Variants in CASD1 observed in about 807,000 individuals in gnomAD.
CASD1 encodes the protein N-acetylneuraminate (7)9-O-acetyltransferase.
Under a neutral mutation model 100.0 loss-of-function variants are expected in CASD1, and 41 were observed. That is an observed-to-expected ratio of 0.41 (90% CI 0.32 to 0.53). The LOEUF is 0.53. Ranked by LOEUF, CASD1 falls within the 20% of genes least tolerant of loss-of-function variation. The pLI is 0.25. For missense variants in CASD1, 774 were observed against 948.7 expected, an observed-to-expected ratio of 0.82 and a Z score of 2.42; for synonymous variants, 321 against 315.6, an observed-to-expected ratio of 1.02 and a Z score of -0.18.
At chr7:94,569,651 C>A in the CASD1 span, among the ~76,000 whole-genome samples, 1 of 151,820 alleles carries the variant, frequency 6.6e-6, no homozygotes, top group Admixed American at 6.6e-5. Flanking sequence ...TCTATGTTGT[C>A]CAGACTGGTC....
At chr7:94,576,151 C>G in the CASD1 span, among the ~76,000 whole-genome samples, 146 of 152,292 alleles carry the variant, frequency 9.6e-4, no homozygotes, top group Middle Eastern at 3.4e-3. Context: ...ACAGGTCTCT[C>G]AAGCTCCATT....
rs56786123 is a variant in CASD1, at chr7:94,541,537, G to GTTTTTTTTTTTTT, written c.1356+2499_1356+2511dup. Among the ~76,000 whole-genome samples the GTTTTTTTTTTTTT allele has an allele frequency of 5.0e-5, 3 of 60,084 alleles. 1 individual carries two copies. Among genetic ancestry groups the GTTTTTTTTTTTTT allele is most frequent in the African/African-American group, 6.7e-5 (1 of 14,914 alleles). 39.4% of individuals were successfully genotyped at this position (60,084 alleles called of 152,430 possible). On this transcript the variant is annotated intron_variant, in intron 10 of 17. Transcript: ENST00000297273. ...ACAGTAGGTGATTTGTGTTCCACTGGTTTTTTTTTTTTTTTTTTTTTTTTT... is the reference window on the plus strand; with the variant it reads ...ACAGTAGGTGATTTGTGTTCCACTGGTTTTTTTTTTTTTTTTTTTTTTTTTTTTTTTTTTTTTT...
the CASD1 span, chr7:94,623,594 G>A: frequency 1.7e-6 from 1 of 574,546 alleles, no homozygotes; most frequent in African/African-American, 1.9e-5. Context: ...AATTAGTCAG[G>A]TCTATTTAAT....
chr7:94,601,443 C>CAAAAAAAAAAAAAAAAAAA, the CASD1 span, among the ~76,000 whole-genome samples: 6 of 89,336 alleles, frequency 6.7e-5, 1 homozygote, highest in African/African-American at 1.7e-4. Flanking sequence ...ATCCCAGTAT[C>CAAAAAAAAAAAAAAAAAAA]AAAAAAAAAA....
At chr7:94,597,963 C>T in the CASD1 span, 5,763 of 164,376 alleles carry the variant, frequency 0.035, 169 homozygotes, top group Non-Finnish European at 0.051. Context: ...GCCAAGATCG[C>T]TCCATTGCAC....
chr7:94,573,085 C>T, the CASD1 span, among the ~76,000 whole-genome samples: 2 of 152,008 alleles, frequency 1.3e-5, no homozygotes, highest in African/African-American at 4.8e-5. Flanking sequence ...GGTCTGTGTT[C>T]CTGTTTTTGT....
the CASD1 span, among the ~76,000 whole-genome samples, chr7:94,611,018 G>A: frequency 6.6e-6 from 1 of 152,152 alleles, no homozygotes; most frequent in Non-Finnish European, 1.5e-5. Context: ...GTGAAGATAT[G>A]GAAAAGTTGG....
the CASD1 span, among the ~76,000 whole-genome samples, chr7:94,562,115 C>T: frequency 6.6e-6 from 1 of 152,246 alleles, no homozygotes; most frequent in South Asian, 2.1e-4. Flanking sequence ...ATTTGCACCT[C>T]TTGTAAACAG....
chr7:94,627,358 T>C, the CASD1 span: 5 of 152,148 alleles, frequency 3.3e-5, no homozygotes, highest in East Asian at 9.7e-4. Context: ...ATTTCTAGTA[T>C]CTCCCAGCTA....
At chr7:94,557,230 A>G (rs1796239563), downstream of CASD1, among the ~76,000 whole-genome samples, 1 of 152,016 alleles carries the variant, frequency 6.6e-6, no homozygotes, top group Non-Finnish European at 1.5e-5. Context: ...GATTTTAAAA[A>G]TGTACTTATT....
At chr7:94,626,271 C>A in the CASD1 span, 1 of 151,990 alleles carries the variant, frequency 6.6e-6, no homozygotes, top group African/African-American at 2.4e-5. Context: ...AACAGACATT[C>A]ACAAATTTCA....
the CASD1 span, chr7:94,588,234 G>T: frequency 9.6e-7 from 1 of 1,046,242 alleles, no homozygotes; most frequent in Non-Finnish European, 1.2e-6. Flanking sequence ...GCTTTTTAAA[G>T]CGGCTTTAAA....
the CASD1 span, among the ~76,000 whole-genome samples, chr7:94,562,704 CT>C: frequency 6.6e-6 from 1 of 151,778 alleles, no homozygotes; most frequent in Non-Finnish European, 1.5e-5. Flanking sequence ...ATTGTTTCCT[CT>C]TTTGAAATTG....
chr7:94,603,557 C>T, the CASD1 span: 2 of 1,032,746 alleles, frequency 1.9e-6, no homozygotes, highest in African/African-American at 1.6e-5. Context: ...GAGAGATTAA[C>T]TAGACTCATC....
At chr7:94,547,407 A>G (rs1351708895) in intron 13 of CASD1, among the ~76,000 whole-genome samples, 1 of 151,880 alleles carries the variant, frequency 6.6e-6, no homozygotes, top group Non-Finnish European at 1.5e-5. Flanking sequence ...GCAGTTGTTC[A>G]AGATCCGTTT....
chr7:94,513,471 C>T (rs11982468), intron 1 of CASD1, among the ~76,000 whole-genome samples: 7,367 of 152,100 alleles, frequency 0.048, 588 homozygotes, highest in African/African-American at 0.17. Flanking sequence ...ACAATCTAAA[C>T]GTGCTTTGCC....
intron 3 of CASD1, among the ~76,000 whole-genome samples, chr7:94,518,627 C>A (rs1311476000): frequency 6.6e-6 from 1 of 152,008 alleles, no homozygotes; most frequent in African/African-American, 2.4e-5. Flanking sequence ...GAAAATATCA[C>A]CCCTTATTCT....
At chr7:94,567,753 G>C in the CASD1 span, among the ~76,000 whole-genome samples, 3 of 151,982 alleles carry the variant, frequency 2.0e-5, no homozygotes, top group African/African-American at 7.2e-5. Flanking sequence ...AATTTAGATG[G>C]TTCAAAAATA....
At chr7:94,624,847 TAA>T in the CASD1 span, 7 of 152,190 alleles carry the variant, frequency 4.6e-5, no homozygotes, top group East Asian at 1.3e-3. Context: ...TTCATTATTA[TAA>T]GTTTCATAAA....
Sources: allele counts gnomAD v4.1 joint callset (sites outside exome capture counted in the v4.1 genomes callset), GRCh38; gene constraint gnomAD v4.1.1; transcripts MANE v1.5; gene names NCBI Gene and HGNC (gene_info 2026-07-23, HGNC 2026-07-21).